Variants in NICN1 observed in about 807,000 individuals in gnomAD.
NICN1 encodes the protein nicolin-1.
NICN1 carries 18 observed loss-of-function variants against 26.3 expected under a neutral mutation model. The ratio of observed to expected loss-of-function variants is 0.68; its 90% CI spans 0.47 to 1.01. NICN1 has a LOEUF of 1.01. NICN1 is among the 50% of genes least tolerant of loss of function. The probability of loss-of-function intolerance (pLI) is 0.00; values close to 1 mark genes in which losing one functional copy is unlikely to be tolerated. For missense variants in NICN1, 239 were observed against 278.3 expected (o/e 0.86, Z 1.00); for synonymous variants, 109 against 111.0 (o/e 0.98, Z 0.11).
chr3:49,426,562 C>T (rs1331956730), intron 1 of NICN1, 134 bp from the exon 2 acceptor site: 3 of 684,976 alleles, frequency 4.4e-6, no homozygotes, highest in Non-Finnish European at 7.2e-6. Context: ...AAATCTTGCT[C>T]TTTTGCCCAG....
intron 1 of NICN1, 23 bp from the exon 2 acceptor site, chr3:49,426,451 C>A (rs761663769): frequency 7.5e-6 from 12 of 1,608,488 alleles, no homozygotes; most frequent in African/African-American, 1.3e-5. Flanking sequence ...CAACCCATTA[C>A]AACAAGTCAG....
intron 2 of NICN1, 79 bp from the exon 3 acceptor site, chr3:49,426,075 C>T: frequency 8.8e-7 from 1 of 1,139,062 alleles, no homozygotes; most frequent in South Asian, 1.4e-5. Context: ...AGCCAGAATG[C>T]TGCCCACCCC....
intron 1 of NICN1, 129 bp from the exon 2 acceptor site, chr3:49,426,557 T>G: frequency 1.4e-6 from 1 of 698,654 alleles, no homozygotes; most frequent in Non-Finnish European, 2.4e-6. Context: ...AGAGGAAATC[T>G]TGCTCTTTTG....
At chr3:49,428,824 G>T (rs561785262) in intron 1 of NICN1, among the ~76,000 whole-genome samples, 1 of 152,074 alleles carries the variant, frequency 6.6e-6, no homozygotes, top group East Asian at 1.9e-4. Context: ...TTCTATTTTG[G>T]TTCACTATTT....
intron 4 of NICN1, 45 bp downstream of exon 4, chr3:49,425,322 A>C: frequency 6.6e-7 from 1 of 1,511,072 alleles, no homozygotes; most frequent in Non-Finnish European, 9.1e-7. Flanking sequence ...TGTGTTGGAC[A>C]CTAGAGCCAT....
intron 1 of NICN1, among the ~76,000 whole-genome samples, chr3:49,428,840 T>C (rs573885359): frequency 2.0e-5 from 3 of 152,222 alleles, no homozygotes; most frequent in South Asian, 4.1e-4. Flanking sequence ...TATTTGGTAT[T>C]TCCAGCAAAA....
intron 2 of NICN1, 89 bp downstream of exon 2, chr3:49,426,163 C>A: frequency 7.2e-7 from 1 of 1,381,376 alleles, no homozygotes. Context: ...AGACTGGCCC[C>A]CTCTTCCCTC....
At chr3:49,428,488 G>A (rs1167918262) in intron 1 of NICN1, among the ~76,000 whole-genome samples, 2 of 152,128 alleles carry the variant, frequency 1.3e-5, no homozygotes, top group Admixed American at 6.6e-5. Flanking sequence ...TTGGGAGGAC[G>A]AGGTAGGCGG....
intron 1 of NICN1, among the ~76,000 whole-genome samples, chr3:49,427,974 C>T (rs774504565): frequency 2.0e-5 from 3 of 152,082 alleles, no homozygotes; most frequent in Non-Finnish European, 2.9e-5. Flanking sequence ...GGGCTGGGCA[C>T]GGTGGCTCAT....
intron 1 of NICN1, among the ~76,000 whole-genome samples, chr3:49,428,635 C>T (rs1481117600): frequency 6.6e-6 from 1 of 150,504 alleles, no homozygotes; most frequent in Non-Finnish European, 1.5e-5. Flanking sequence ...GCAGGAGAAG[C>T]GCTTGAACCC....
rs572578341 is a variant in NICN1, at chr3:49,422,576, G to A, written c.*2257C>T. 35 of 1,061,652 alleles carry A rather than the reference G, an allele frequency of 3.3e-5. No homozygotes were observed. In the South Asian group the frequency reaches 4.6e-4, roughly 14 times the overall value. 65.8% of individuals were successfully genotyped at this position (1,061,652 alleles called of 1,614,324 possible). A position where few individuals can be genotyped will look rare whatever the true frequency, so the allele number is the denominator to read the frequency against. ...GAGCAAAGGATCTGAAGGGGGCGTG[G>A]GCAGCCCCAAGGGCAGGCTGGGATT... On this transcript the variant is annotated 3_prime_UTR_variant, in exon 6 of 6. Transcript: ENST00000273598.
chr3:49,428,047 C>T (rs2049189050), intron 1 of NICN1, among the ~76,000 whole-genome samples: 1 of 151,962 alleles, frequency 6.6e-6, no homozygotes, highest in Non-Finnish European at 1.5e-5. Context: ...GGTGAAACCC[C>T]GTTTCTACTA....
intron 1 of NICN1, among the ~76,000 whole-genome samples, chr3:49,428,242 C>T (rs1209202318): frequency 6.6e-6 from 1 of 150,992 alleles, no homozygotes; most frequent in East Asian, 2.0e-4. Flanking sequence ...GAGACAGAAA[C>T]AGGTGGGGCA....
chr3:49,429,290 C>T lies in NICN1; in HGVS notation c.-51G>A. 1 of 1,528,072 alleles carries T rather than the reference C, an allele frequency of 6.5e-7. No homozygotes were observed. The highest frequency in any genetic ancestry group is 1.2e-5 in the South Asian group (1 of 81,886). 94.7% of individuals were successfully genotyped at this position (1,528,072 alleles called of 1,614,324 possible). A position where few individuals can be genotyped will look rare whatever the true frequency, so the allele number is the denominator to read the frequency against. On this transcript the variant is annotated 5_prime_UTR_variant, in exon 1 of 6. The change creates a new upstream start codon in the 5' untranslated region. Transcript: ENST00000273598. Reference sequence around the variant, plus strand: ...AACCGCCGCTCTAGGCCCCCGACCACCAGCCCTTCCCGGCATCCTCAGCCG... The same window carrying T: ...AACCGCCGCTCTAGGCCCCCGACCATCAGCCCTTCCCGGCATCCTCAGCCG...
In NICN1 at chr3:49,423,616, C is replaced by T. The variant is rs1198176354; in HGVS notation, c.*1217G>A. The T allele has an allele frequency of 3.3e-5, 5 of 152,214 alleles. No homozygotes were observed. The highest frequency in any genetic ancestry group is 2.0e-4 in the East Asian group (1 of 5,126). 9.4% of individuals were successfully genotyped at this position (152,214 alleles called of 1,614,324 possible). A position where few individuals can be genotyped will look rare whatever the true frequency, so the allele number is the denominator to read the frequency against. On this transcript the variant is annotated 3_prime_UTR_variant, in exon 6 of 6. Coordinates refer to ENST00000273598, the MANE Select transcript of NICN1 (RefSeq NM_032316.3). Reference sequence around the variant, plus strand: ...TACTACAAATACAAAATTAGCCAGGCATGGTGATGCATGACTGTAATCCCA... The same window carrying T: ...TACTACAAATACAAAATTAGCCAGGTATGGTGATGCATGACTGTAATCCCA...
In NICN1 at chr3:49,422,757, G is replaced by A; in HGVS notation, c.*2076C>T. The A allele has an allele frequency of 2.0e-6, 1 of 504,886 alleles. No individual in the cohort carries two copies. The highest frequency in any genetic ancestry group is 3.9e-5 in the East Asian group (1 of 25,958). The allele number at this position is 504,886 out of a possible 1,614,324, so 31.3% of individuals were successfully genotyped here. On this transcript the variant is annotated 3_prime_UTR_variant, in exon 6 of 6. Coordinates refer to ENST00000273598, the MANE Select transcript of NICN1 (RefSeq NM_032316.3). ...CCCCTGCAGAACCGCCCTGTCTCCA[G>A]AGGGTCAAAGTTCTGGAAAGGGCTG...
chr3:49,428,219 T>C (rs1314793569), intron 1 of NICN1, among the ~76,000 whole-genome samples: 2 of 147,640 alleles, frequency 1.4e-5, no homozygotes, highest in Non-Finnish European at 1.5e-5. Context: ...AACCTCCATC[T>C]CAAAAAAAAA....
Position 49,429,108 on chromosome 3 carries a change from C to T in NICN1, c.132G>A (p.Glu44=), listed in dbSNP as rs2049198336. The change falls in exon 1 of 6, where the codon GAG becomes GAA. Residue 44 remains glutamate, a splice_region_variant and synonymous_variant. Transcript: ENST00000273598. ...DVTFPSVAPF[E]LQEITFKNYY... ...GGTCGCGCCCACCAGGCTTGCTCAC[C>T]TCGAAGGGAGCGACGCTGGGGAAGG... 1 of 1,605,364 alleles carries T rather than the reference C, an allele frequency of 6.2e-7. No individual in the cohort carries two copies. Among genetic ancestry groups the T allele is most frequent in the East Asian group, 2.3e-5 (1 of 43,650 alleles).
chr3:49,425,281 C>T, intron 4 of NICN1, 86 bp downstream of exon 4: 1 of 1,222,794 alleles, frequency 8.2e-7, no homozygotes, highest in Middle Eastern at 1.9e-4. Flanking sequence ...GGCCCAGCCC[C>T]AGAATTTTAC....
Sources: gnomAD v4.1 joint callset for allele counts (sites outside exome capture counted in the v4.1 genomes callset) on GRCh38, gnomAD v4.1.1 for gene constraint, MANE v1.5 for transcripts, NCBI Gene and HGNC (gene_info 2026-07-23, HGNC 2026-07-21) for gene names.